The following EXOC2 variants were observed in gnomAD, a reference collection of about 807,000 sequenced individuals.
EXOC2 encodes the protein exocyst complex component 2, also known as SEC5-like 1.
In EXOC2, 70 loss-of-function variants were observed where a neutral mutation model predicts 131.8. The ratio of observed to expected loss-of-function variants is 0.53; its 90% CI spans 0.44 to 0.65. EXOC2 has a LOEUF of 0.65. Among genes scored for constraint, EXOC2 ranks in the 30% least tolerant of loss-of-function variants. The pLI, the probability that EXOC2 is intolerant of heterozygous loss-of-function variation, is 0.00. For synonymous variants in EXOC2, 411 were observed against 398.4 expected (o/e 1.03, Z -0.38); for missense variants, 923 against 1,108.6 (o/e 0.83, Z 2.38).
At chr6:517,685 C>T (rs1420034627) in intron 23 of EXOC2, among the ~76,000 whole-genome samples, 2 of 152,228 alleles carry the variant, frequency 1.3e-5, no homozygotes, top group Non-Finnish European at 2.9e-5. Context: ...GCTGATAACA[C>T]TTGAATTCAA....
At chr6:607,014 T>C (rs1029994537) in intron 7 of EXOC2, among the ~76,000 whole-genome samples, 1 of 152,214 alleles carries the variant, frequency 6.6e-6, no homozygotes, top group African/African-American at 2.4e-5. Context: ...AGACGTACAG[T>C]GACTATCGCT....
intron 22 of EXOC2, among the ~76,000 whole-genome samples, chr6:543,565 T>C (rs958668334): frequency 2.6e-5 from 4 of 152,234 alleles, no homozygotes; most frequent in African/African-American, 9.6e-5. Flanking sequence ...AGATTTTTAA[T>C]GTCCTCAACA....
chr6:578,325 G>A (rs1758696944), intron 11 of EXOC2, among the ~76,000 whole-genome samples: 2 of 152,144 alleles, frequency 1.3e-5, no homozygotes. Context: ...CCGCATGTGA[G>A]GAATTGCAGG....
intron 27 of EXOC2, among the ~76,000 whole-genome samples, chr6:487,238 C>T (rs187844148): frequency 1.5e-3 from 223 of 152,286 alleles, no homozygotes; most frequent in African/African-American, 5.2e-3. Context: ...GCAGCCACTG[C>T]TGACTTTCCC....
chr6:660,134 C>T (rs571551535), intron 1 of EXOC2, among the ~76,000 whole-genome samples: 6 of 151,994 alleles, frequency 3.9e-5, no homozygotes. Context: ...GCCATAATCC[C>T]CCTAGGTACA....
chr6:628,957 CTT>C (rs1239251249), intron 4 of EXOC2, among the ~76,000 whole-genome samples: 1 of 152,176 alleles, frequency 6.6e-6, no homozygotes, highest in Non-Finnish European at 1.5e-5. Context: ...AAGCCCCAGA[CTT>C]TTTCAACACG....
chr6:677,725 C>A (rs1368056073), intron 1 of EXOC2, among the ~76,000 whole-genome samples: 1 of 152,236 alleles, frequency 6.6e-6, no homozygotes, highest in South Asian at 2.1e-4. Context: ...CCTCGGCCTC[C>A]CAAAGTGCTG....
intron 23 of EXOC2, among the ~76,000 whole-genome samples, chr6:514,466 T>G (rs536993608): frequency 8.5e-5 from 13 of 152,290 alleles, no homozygotes; most frequent in South Asian, 4.1e-4. Context: ...ACAGGAAACA[T>G]AGAGAGAGTT....
Position 555,967 on chromosome 6 carries a change from A to G in EXOC2, c.1979T>C (p.Ile660Thr), listed in dbSNP as rs773953554. The change falls in exon 19 of 28, where the codon ATC becomes ACC. Residue 660 changes from isoleucine (I) to threonine (T), a missense_variant. Ile to Thr is a moderately conservative substitution (Grantham distance 89, BLOSUM62 -1). Transcript: ENST00000230449. ...KTQEEVCQLS[I>T]NIMQVFIYCL... ...TTCTATTATTACCTGCATTATATTGATGCTTAGCTGGCAAACCTCCTCCTG... is the reference window on the plus strand; with the variant it reads ...TTCTATTATTACCTGCATTATATTGGTGCTTAGCTGGCAAACCTCCTCCTG... The G allele has an allele frequency of 3.1e-6, 5 of 1,614,154 alleles. No individual in the cohort carries two copies. Among genetic ancestry groups the G allele is most frequent in the Non-Finnish European group, 3.4e-6 (4 of 1,180,014 alleles).
intron 1 of EXOC2, among the ~76,000 whole-genome samples, chr6:643,669 G>T (rs940874756): frequency 6.6e-6 from 1 of 151,194 alleles, no homozygotes; most frequent in Non-Finnish European, 1.5e-5. Flanking sequence ...AAGGAGGGCA[G>T]GAAAAGGAAG....
intron 1 of EXOC2, among the ~76,000 whole-genome samples, chr6:640,820 T>C (rs1453050236): frequency 6.6e-6 from 1 of 152,150 alleles, no homozygotes; most frequent in Non-Finnish European, 1.5e-5. Flanking sequence ...AAATGTATGT[T>C]GTTTAAGCCA....
intron 7 of EXOC2, among the ~76,000 whole-genome samples, chr6:607,855 CT>C (rs954740556): frequency 2.0e-5 from 3 of 151,936 alleles, no homozygotes; most frequent in East Asian, 3.9e-4. Flanking sequence ...AAAACAATTT[CT>C]TTTTTTTAAC....
chr6:528,175 C>T (rs1765856972), intron 23 of EXOC2, among the ~76,000 whole-genome samples: 1 of 151,596 alleles, frequency 6.6e-6, no homozygotes, highest in African/African-American at 2.4e-5. Flanking sequence ...ACGGCTTTAA[C>T]GGATATCTCT....
intron 23 of EXOC2, among the ~76,000 whole-genome samples, chr6:527,868 GA>G (rs1365291620): frequency 1.3e-5 from 2 of 149,024 alleles, no homozygotes; most frequent in Admixed American, 6.7e-5. Flanking sequence ...CTTTTTGATA[GA>G]AAAAATAAAA....
chr6:487,963 CTT>C (rs1763178924), intron 27 of EXOC2, among the ~76,000 whole-genome samples: 1 of 152,182 alleles, frequency 6.6e-6, no homozygotes, highest in Non-Finnish European at 1.5e-5. Flanking sequence ...CTGTTTCAAT[CTT>C]TTATCATATT....
At chr6:528,578 A>C (rs1206436986) in intron 23 of EXOC2, among the ~76,000 whole-genome samples, 4 of 152,158 alleles carry the variant, frequency 2.6e-5, no homozygotes, top group African/African-American at 9.7e-5. Flanking sequence ...TTGGAATCTG[A>C]GGAAGAGTAA....
At chr6:576,949 A>C in intron 11 of EXOC2, 67 bp from the exon 12 acceptor site, 1 of 1,455,778 alleles carries the variant, frequency 6.9e-7, no homozygotes, top group Non-Finnish European at 9.4e-7. Context: ...TAGTTGATTT[A>C]ATGGTCTGCT....
intron 23 of EXOC2, among the ~76,000 whole-genome samples, chr6:502,140 C>T (rs542927974): frequency 1.4e-3 from 208 of 152,232 alleles, no homozygotes; most frequent in African/African-American, 4.8e-3. Context: ...CTCATGTAGA[C>T]GCACAGGTAA....
intron 13 of EXOC2, among the ~76,000 whole-genome samples, chr6:567,614 T>G (rs981684966): frequency 1.3e-5 from 2 of 152,204 alleles, no homozygotes; most frequent in African/African-American, 2.4e-5. Context: ...TGCATTTATA[T>G]GCATGTGTTA....
Sources: allele counts gnomAD v4.1 joint callset (sites outside exome capture counted in the v4.1 genomes callset), GRCh38; gene constraint gnomAD v4.1.1; transcripts MANE v1.5; gene names NCBI Gene and HGNC (gene_info 2026-07-23, HGNC 2026-07-21).